Variants in HPSE2 observed in about 807,000 individuals in gnomAD.
The protein encoded by HPSE2 is inactive heparanase-2.
HPSE2 carries 38 observed loss-of-function variants against 60.5 expected under a neutral mutation model. The observed-to-expected ratio is 0.63, with a 90% CI of 0.48 to 0.82. HPSE2 has a LOEUF of 0.82. Ranked by LOEUF, HPSE2 falls within the 40% of genes least tolerant of loss-of-function variation. The pLI is 0.00. For synonymous variants in HPSE2, 295 were observed against 293.2 expected (o/e 1.01, Z -0.06); for missense variants, 713 against 740.4 (o/e 0.96, Z 0.43).
intron 9 of HPSE2, among the ~76,000 whole-genome samples, chr10:98,500,625 C>G (rs1363774177): frequency 6.6e-6 from 1 of 152,106 alleles, no homozygotes; most frequent in East Asian, 1.9e-4. Context: ...ACTAGAGAAG[C>G]AAGAACAAAC....
At chr10:98,613,540 G>A (rs541811259) in intron 9 of HPSE2, among the ~76,000 whole-genome samples, 4 of 152,326 alleles carry the variant, frequency 2.6e-5, no homozygotes, top group Non-Finnish European at 4.4e-5. Context: ...TCTCTGCTCT[G>A]GGCTTGGAAG....
At position 98,989,827 on chromosome 10, in the gene HPSE2, A is replaced by G. The variant is rs552750470; in HGVS notation, c.610+154411T>C. Among the ~76,000 whole-genome samples the G allele has an allele frequency of 2.0e-5, 3 of 152,292 alleles. No individual in the cohort carries two copies. In the South Asian group the frequency reaches 6.2e-4, roughly 32 times the overall value. ...TGTTGCAATGAATCATAATTTAAGT[A>G]GGACTCTTGGTATTTTCATTTAAAT... On this transcript the variant is annotated intron_variant, in intron 3 of 11. Coordinates refer to ENST00000370552, the MANE Select transcript of HPSE2 (RefSeq NM_021828.5).
At chr10:98,657,547 G>C (rs1239502689) in intron 6 of HPSE2, among the ~76,000 whole-genome samples, 1 of 152,050 alleles carries the variant, frequency 6.6e-6, no homozygotes, top group Non-Finnish European at 1.5e-5. Context: ...ATGTTGACTG[G>C]GCTGGTCTCG....
intron 3 of HPSE2, among the ~76,000 whole-genome samples, chr10:99,000,038 A>C (rs1199184407): frequency 6.6e-6 from 1 of 152,120 alleles, no homozygotes; most frequent in East Asian, 1.9e-4. Flanking sequence ...TGGAGAGAAA[A>C]ATAAAAATAA....
Position 98,482,662 on chromosome 10 carries a change from G to T in HPSE2, c.1587C>A (p.Pro529=). The change falls in exon 11 of 12, where the codon CCC becomes CCA. Residue 529 remains proline (P), a synonymous_variant. Coordinates refer to ENST00000370552, the MANE Select transcript of HPSE2 (RefSeq NM_021828.5). ...DKLVHQYLLQ[P]YGQEGLKSKS... is the part of the protein sequence containing the mutation. Reference sequence around the variant, plus strand: ...TGGACTTTAGGCCCTCCTGCCCATAGGGCTGCAGCAGGTACTGGTGAACCA... The same window carrying T: ...TGGACTTTAGGCCCTCCTGCCCATATGGCTGCAGCAGGTACTGGTGAACCA... The T allele has an allele frequency of 1.9e-6, 3 of 1,614,192 alleles. No individual in the cohort carries two copies. Among genetic ancestry groups the T allele is most frequent in the Non-Finnish European group, 2.5e-6 (3 of 1,180,036 alleles).
chr10:99,194,704 A>C (rs1232487110), intron 2 of HPSE2, among the ~76,000 whole-genome samples: 1 of 152,074 alleles, frequency 6.6e-6, no homozygotes, highest in Non-Finnish European at 1.5e-5. Flanking sequence ...AAAAATCCAA[A>C]ACCTGAACAG....
chr10:99,058,861 G>T (rs1958171955), intron 3 of HPSE2, among the ~76,000 whole-genome samples: 1 of 152,098 alleles, frequency 6.6e-6, no homozygotes, highest in South Asian at 2.1e-4. Context: ...TAACAGGAAA[G>T]AAATTCTGCC....
At chr10:99,101,954 A>G (rs994249689) in intron 3 of HPSE2, among the ~76,000 whole-genome samples, 3 of 152,242 alleles carry the variant, frequency 2.0e-5, no homozygotes, top group African/African-American at 7.2e-5. Flanking sequence ...AAGACACAAC[A>G]TACCAGAATC....
At chr10:98,672,146 G>C (rs1016544207) in intron 6 of HPSE2, among the ~76,000 whole-genome samples, 11 of 152,188 alleles carry the variant, frequency 7.2e-5, no homozygotes, top group African/African-American at 2.4e-4. Flanking sequence ...AGTGGTTGCT[G>C]TTGGTAGTTC....
At chr10:98,515,369 A>G (rs1022372598) in intron 9 of HPSE2, among the ~76,000 whole-genome samples, 16 of 152,204 alleles carry the variant, frequency 1.1e-4, no homozygotes, top group Admixed American at 6.5e-4. Context: ...AATGATCATT[A>G]TAGCATTATT....
chr10:99,161,580 T>C (rs2133771530), intron 2 of HPSE2, among the ~76,000 whole-genome samples: 1 of 152,290 alleles, frequency 6.6e-6, no homozygotes, highest in African/African-American at 2.4e-5. Flanking sequence ...TAAACAAGCA[T>C]AAGAATGTTC....
intron 2 of HPSE2, among the ~76,000 whole-genome samples, chr10:99,171,437 A>G (rs931953207): frequency 1.3e-5 from 2 of 152,056 alleles, no homozygotes; most frequent in African/African-American, 4.8e-5. Context: ...AGATGTGGGA[A>G]AAAAAAAGAC....
intron 3 of HPSE2, among the ~76,000 whole-genome samples, chr10:98,837,018 C>T (rs183262388): frequency 8.5e-5 from 13 of 152,268 alleles, no homozygotes; most frequent in Admixed American, 5.9e-4. Context: ...GCACTCTAGC[C>T]TGGGCAACAG....
intron 3 of HPSE2, among the ~76,000 whole-genome samples, chr10:99,080,283 T>C (rs1211856527): frequency 2.0e-5 from 3 of 152,164 alleles, no homozygotes; most frequent in African/African-American, 4.8e-5. Flanking sequence ...GAGCCTAGTT[T>C]GAATTATCTT....
At chr10:98,990,226 T>G (rs1033832924) in intron 3 of HPSE2, among the ~76,000 whole-genome samples, 6 of 152,226 alleles carry the variant, frequency 3.9e-5, no homozygotes, top group African/African-American at 1.4e-4. Flanking sequence ...TGGTTTATTA[T>G]GGTCTCTGTG....
At chr10:99,071,197 G>C (rs1447006825) in intron 3 of HPSE2, among the ~76,000 whole-genome samples, 1 of 151,342 alleles carries the variant, frequency 6.6e-6, no homozygotes, top group Non-Finnish European at 1.5e-5. Flanking sequence ...AGCCTCCTGA[G>C]TATCTGGGAT....
chr10:98,947,848 T>C (rs1450172365), intron 3 of HPSE2, among the ~76,000 whole-genome samples: 1 of 152,164 alleles, frequency 6.6e-6, no homozygotes, highest in Non-Finnish European at 1.5e-5. Flanking sequence ...GTTCCATTGA[T>C]GCTTTGTCCC....
At chr10:99,004,562 T>G (rs1253157473) in intron 3 of HPSE2, among the ~76,000 whole-genome samples, 1 of 152,178 alleles carries the variant, frequency 6.6e-6, no homozygotes, top group Non-Finnish European at 1.5e-5. Context: ...TTTATGTTTT[T>G]GATGTCACTG....
chr10:99,017,769 T>G (rs943813850), intron 3 of HPSE2, among the ~76,000 whole-genome samples: 2 of 152,170 alleles, frequency 1.3e-5, no homozygotes, highest in Non-Finnish European at 2.9e-5. Flanking sequence ...ATGCTCTTTC[T>G]TCAAAAGAAT....
Sources: gnomAD v4.1 joint callset for allele counts (sites outside exome capture counted in the v4.1 genomes callset) on GRCh38, gnomAD v4.1.1 for gene constraint, MANE v1.5 for transcripts, NCBI Gene and HGNC (gene_info 2026-07-23, HGNC 2026-07-21) for gene names.